Variants in STAM2 observed in about 807,000 individuals in gnomAD.
STAM2 encodes the protein signal transducing adapter molecule 2.
STAM2 carries 51 observed loss-of-function variants against 65.6 expected under a neutral mutation model. The observed-to-expected ratio is 0.78, with a 90% confidence interval of 0.62 to 0.98. The LOEUF is 0.98. Among genes scored for constraint, STAM2 ranks in the 50% least tolerant of loss-of-function variants. The pLI is 0.00. For missense variants in STAM2, 584 were observed against 617.8 expected (o/e 0.95, Z 0.58); for synonymous variants, 198 against 208.4 (o/e 0.95, Z 0.43).
chr2:152,156,696 C>A (rs1319307028), intron 1 of STAM2, among the ~76,000 whole-genome samples: 1 of 152,086 alleles, frequency 6.6e-6, no homozygotes, highest in African/African-American at 2.4e-5. Context: ...AAAAGGCTCC[C>A]CCCCTTACAG....
rs1030308244 is a variant in STAM2 at position 152,147,099 on chromosome 2, T to C, written c.447+63A>G. The C allele has an allele frequency of 4.8e-6, 7 of 1,447,760 alleles. No individual in the cohort carries two copies. In the Admixed American group the frequency reaches 1.8e-4, roughly 36 times the overall value. 89.7% of individuals were successfully genotyped at this position (1,447,760 alleles called of 1,614,324 possible). ...ATCTAGACATACCTTGCCTAGTCTTTACATAACATACATACCTTCAAAATA... is the reference window on the plus strand; with the variant it reads ...ATCTAGACATACCTTGCCTAGTCTTCACATAACATACATACCTTCAAAATA... On this transcript the variant is annotated intron_variant, in intron 5 of 13. Coordinates refer to ENST00000263904, the MANE Select transcript of STAM2 (RefSeq NM_005843.6).
chr2:152,126,093 T>A (rs1048602966), intron 12 of STAM2, 133 bp downstream of exon 12: 6 of 762,790 alleles, frequency 7.9e-6, no homozygotes, highest in Non-Finnish European at 1.1e-5. Context: ...CAATATTTAC[T>A]GAAACAATCA....
chr2:152,170,304 C>A (rs897298423), intron 1 of STAM2, among the ~76,000 whole-genome samples: 2 of 151,300 alleles, frequency 1.3e-5, no homozygotes, highest in East Asian at 2.0e-4. Flanking sequence ...ACATGTGAAA[C>A]CCCGTCTCTA....
At chr2:152,165,748 A>C (rs1212804713) in intron 1 of STAM2, among the ~76,000 whole-genome samples, 3 of 152,222 alleles carry the variant, frequency 2.0e-5, no homozygotes, top group Non-Finnish European at 4.4e-5. Flanking sequence ...AATGGAGATT[A>C]AAATAGCTGC....
At position 152,156,894 on chromosome 2, in the gene STAM2, T is replaced by C. The variant is rs1408049994; in HGVS notation, c.41-6665A>G. 2.6e-5 allele frequency among the ~76,000 whole-genome samples: 4 copies of C among 152,144 alleles called. No homozygotes were observed. In the East Asian group the frequency reaches 7.7e-4, roughly 29 times the overall value. ...ACTAGTCTTCTGCTTCCAAACATGA[T>C]AGAATATCTGGTACCAGACTTGCGA... is the stretch of plus-strand genomic sequence containing the variant. On this transcript the variant is annotated intron_variant, in intron 1 of 13. Transcript: ENST00000263904.
chr2:152,160,931 T>C (rs913107456), intron 1 of STAM2, among the ~76,000 whole-genome samples: 5 of 151,000 alleles, frequency 3.3e-5, no homozygotes, highest in African/African-American at 4.9e-5. Context: ...GGGGCGCCTC[T>C]GCCCAGCCGC....
intron 1 of STAM2, among the ~76,000 whole-genome samples, chr2:152,173,625 G>C (rs906870084): frequency 6.6e-6 from 1 of 152,002 alleles, no homozygotes; most frequent in South Asian, 2.1e-4. Context: ...TCAAACTCCC[G>C]ACCTCCAGTG....
At chr2:152,125,668 T>C (rs1333490657) in intron 12 of STAM2, among the ~76,000 whole-genome samples, 1 of 152,222 alleles carries the variant, frequency 6.6e-6, no homozygotes, top group Non-Finnish European at 1.5e-5. Context: ...ATCATATCTT[T>C]GCTATGCACA....
chr2:152,118,699 ATTT>A lies in STAM2; in HGVS notation c.*1872_*1874del, dbSNP rs34533478. ...TGACTATTATCGAGAGCAGCTTTGG[ATTT>A]TTTTTAAATGTTTTTTAAAAATTAT... On this transcript the variant is annotated 3_prime_UTR_variant, in exon 14 of 14. Transcript: ENST00000263904. 1 of 151,352 alleles carries A rather than the reference ATTT, an allele frequency of 6.6e-6. No homozygotes were observed. Among genetic ancestry groups the A allele is most frequent in the African/African-American group, 2.4e-5 (1 of 41,262 alleles). 9.4% of individuals were successfully genotyped at this position (151,352 alleles called of 1,614,324 possible).
chr2:152,134,577 C>A (rs941657506), intron 8 of STAM2, among the ~76,000 whole-genome samples: 1 of 152,130 alleles, frequency 6.6e-6, no homozygotes, highest in Non-Finnish European at 1.5e-5. Context: ...CCTGAACTGG[C>A]AAGGACTAGC....
In STAM2 at chr2:152,147,238, G is replaced by A. The variant is rs1007995691; in HGVS notation, c.371C>T (p.Pro124Leu). The A allele has an allele frequency of 6.2e-7, 1 of 1,611,576 alleles. No homozygotes were observed. Among genetic ancestry groups the A allele is most frequent in the African/African-American group, 1.3e-5 (1 of 74,822 alleles). ...VEWSEEFQKDPQFSLISATIK... is the reference protein window; with the variant it reads ...VEWSEEFQKDLQFSLISATIK... ...AGTTGCAGATATCAGACTAAACTGA[G>A]GGTCCTTCTGAAATTCTTCTGACCA... Residue 124 changes from proline (P) to leucine (L), a missense_variant, in exon 5 of 14, where the codon CCT becomes CTT. By Grantham distance (98) the Pro-to-Leu change is moderately conservative. Transcript: ENST00000263904.
At chr2:152,135,262 A>C (rs552025786) in intron 8 of STAM2, among the ~76,000 whole-genome samples, 5 of 152,354 alleles carry the variant, frequency 3.3e-5, no homozygotes, top group Non-Finnish European at 5.9e-5. Flanking sequence ...AAATGATTTT[A>C]TGCCTGACAT....
chr2:152,163,733 G>A (rs1165631216), intron 1 of STAM2, among the ~76,000 whole-genome samples: 3 of 152,110 alleles, frequency 2.0e-5, no homozygotes, highest in Non-Finnish European at 4.4e-5. Flanking sequence ...CCTAGGAAAA[G>A]AATTGCATTC....
At chr2:152,160,147 C>T (rs1217628838) in intron 1 of STAM2, among the ~76,000 whole-genome samples, 1 of 152,202 alleles carries the variant, frequency 6.6e-6, no homozygotes, top group Non-Finnish European at 1.5e-5. Context: ...TGCCCGGCCG[C>T]CACCCCGTCG....
intron 1 of STAM2, among the ~76,000 whole-genome samples, chr2:152,170,891 G>A (rs1052143841): frequency 6.6e-6 from 1 of 152,122 alleles, no homozygotes; most frequent in Non-Finnish European, 1.5e-5. Flanking sequence ...AGCTACTCGG[G>A]AGGCTGAGGC....
intron 8 of STAM2, among the ~76,000 whole-genome samples, chr2:152,134,286 A>G (rs1256897682): frequency 1.3e-5 from 2 of 152,208 alleles, no homozygotes; most frequent in Non-Finnish European, 1.5e-5. Context: ...AAAATCCACA[A>G]TATTTTTTCC....
chr2:152,132,314 CACT>C (rs1176890089), intron 10 of STAM2, 146 bp from the exon 11 acceptor site: 4 of 548,924 alleles, frequency 7.3e-6, no homozygotes, highest in Non-Finnish European at 1.3e-5. Flanking sequence ...TACTATTCAG[CACT>C]ACTACTACAT....
At chr2:152,149,629 C>G (rs1171963295) in intron 2 of STAM2, among the ~76,000 whole-genome samples, 2 of 151,746 alleles carry the variant, frequency 1.3e-5, no homozygotes, top group Non-Finnish European at 2.9e-5. Flanking sequence ...TCTCAAGTAG[C>G]TGGGATTACA....
chr2:152,141,175 A>G (rs1689240248), intron 7 of STAM2, among the ~76,000 whole-genome samples: 1 of 149,386 alleles, frequency 6.7e-6, no homozygotes, highest in African/African-American at 2.5e-5. Context: ...AGAAACATGG[A>G]GTGGTAAGAT....
Sources: gnomAD v4.1 joint callset for allele counts (sites outside exome capture counted in the v4.1 genomes callset) on GRCh38, gnomAD v4.1.1 for gene constraint, MANE v1.5 for transcripts, NCBI Gene and HGNC (gene_info 2026-07-23, HGNC 2026-07-21) for gene names.